CRK: variants seen among roughly 807,000 people sequenced by gnomAD.
CRK encodes the protein CRK proto-oncogene, adaptor protein, also known as adapter molecule crk.
Under a neutral mutation model 29.8 loss-of-function variants are expected in CRK, and 4 were observed. The ratio of observed to expected loss-of-function variants is 0.13; its 90% CI spans 0.07 to 0.31. CRK has a LOEUF of 0.31. Ranked by LOEUF, CRK falls within the 10% of genes least tolerant of loss-of-function variation. The pLI is 1.00. For synonymous variants in CRK, 153 were observed against 164.9 expected (o/e 0.93, Z 0.55); for missense variants, 274 against 396.5 (o/e 0.69, Z 2.62).
chr17:1,436,562 G>A (rs2073887927), intron 2 of CRK, 58 bp downstream of exon 2: 1 of 1,521,636 alleles, frequency 6.6e-7, no homozygotes, highest in Non-Finnish European at 8.8e-7. Context: ...AGCTCTAAGA[G>A]GACCGAGAGG....
intron 2 of CRK, among the ~76,000 whole-genome samples, chr17:1,432,321 T>A (rs149103152): frequency 0.018 from 2,695 of 151,368 alleles, 40 homozygotes; most frequent in Non-Finnish European, 0.029. Flanking sequence ...AAATCCCATC[T>A]CTACTAAAAA....
At chr17:1,449,520 C>G (rs1451437037) in intron 1 of CRK, among the ~76,000 whole-genome samples, 1 of 152,028 alleles carries the variant, frequency 6.6e-6, no homozygotes, top group African/African-American at 2.4e-5. Flanking sequence ...GATGAGGAAA[C>G]TGAAGCAGGG....
At chr17:1,433,508 G>GATTTTTTTTTTTTTTTTTTTTTT (rs1568012299) in intron 2 of CRK, among the ~76,000 whole-genome samples, 2 of 114,368 alleles carry the variant, frequency 1.7e-5, no homozygotes, top group African/African-American at 7.1e-5. Context: ...ACCACGCCTG[G>GATTTTTTTTTTTTTTTTTTTTTT]CTTTTTTTTT....
intron 1 of CRK, among the ~76,000 whole-genome samples, chr17:1,444,666 T>TA (rs559826976): frequency 0.012 from 1,607 of 137,728 alleles, 12 homozygotes; most frequent in African/African-American, 0.017. Context: ...CCGTCTTTAC[T>TA]AAAAAAAAAA....
intron 2 of CRK, among the ~76,000 whole-genome samples, chr17:1,425,087 GT>G (rs887040693): frequency 3.2e-4 from 48 of 151,392 alleles, no homozygotes; most frequent in African/African-American, 1.0e-3. Flanking sequence ...AAATATAAAG[GT>G]TTTTTTTGTT....
At chr17:1,434,279 T>C (rs982600248) in intron 2 of CRK, among the ~76,000 whole-genome samples, 2 of 152,122 alleles carry the variant, frequency 1.3e-5, no homozygotes, top group Admixed American at 6.6e-5. Flanking sequence ...ATGGGTAGTA[T>C]TGGTGGAAAG....
At chr17:1,428,680 C>T (rs1159632589) in intron 2 of CRK, among the ~76,000 whole-genome samples, 2 of 151,050 alleles carry the variant, frequency 1.3e-5, no homozygotes, top group Non-Finnish European at 2.9e-5. Context: ...TGTGCCACCA[C>T]GCCCTGCTAA....
chr17:1,448,065 C>A (rs994184913), intron 1 of CRK, among the ~76,000 whole-genome samples: 6 of 152,060 alleles, frequency 3.9e-5, no homozygotes, highest in Admixed American at 3.9e-4. Flanking sequence ...TCGCTTGAAC[C>A]CGGGAGGCGG....
chr17:1,423,638 C>T lies in CRK; in HGVS notation c.790G>A (p.Val264Ile), dbSNP rs1460550029. 1 of 1,613,986 alleles carries T rather than the reference C, an allele frequency of 6.2e-7. No individual in the cohort carries two copies. The highest frequency in any genetic ancestry group is 2.2e-5 in the East Asian group (1 of 44,882). The change falls in exon 3 of 3, where the codon GTA (valine) becomes ATA (isoleucine). Residue 264 changes from valine (V) to isoleucine (I), a missense_variant. Val to Ile is a conservative substitution (Grantham distance 29). Coordinates refer to ENST00000300574, the MANE Select transcript of CRK (RefSeq NM_016823.4). ...CTCACATTAATCTTCGTAACCTTTA[C>T]CAGCTCACCGACCTGCAGGAGGAGA... The part of the protein sequence containing the change: ...TALALEVGEL[V>I]KVTKINVSGQ...
chr17:1,429,175 G>A (rs1047238295), intron 2 of CRK, among the ~76,000 whole-genome samples: 2 of 152,048 alleles, frequency 1.3e-5, no homozygotes, highest in African/African-American at 2.4e-5. Flanking sequence ...CCCTGCAGAG[G>A]AAAACCATGC....
rs1451293325 is a variant in CRK at position 1,436,754 on chromosome 17, C to A, written c.643G>T (p.Gly215Trp). The part of the protein sequence containing the change: ...QEGSHPQPLG[G>W]PEPGPYAQPS... ...TGGGCATAGGGCCCAGGCTCCGGCC[C>A]ACCCAGTGGCTGTGGGTGGGAACCC... is the stretch of plus-strand genomic sequence containing the variant. The change falls in exon 2 of 3, where the codon GGG (glycine) becomes TGG (tryptophan). Residue 215 changes from glycine (G) to tryptophan (W), a missense_variant. Around this residue, in one of 3 missense-constraint regions of CRK, gnomAD observed 121 missense variants for 154.3 expected, o/e 0.78. Transcript: ENST00000300574. 5 of 1,589,678 alleles carry A rather than the reference C, an allele frequency of 3.1e-6. No homozygotes were observed. Among genetic ancestry groups the A allele is most frequent in the Non-Finnish European group, 4.3e-6 (5 of 1,170,656 alleles).
intron 2 of CRK, among the ~76,000 whole-genome samples, chr17:1,434,810 T>C (rs1440599007): frequency 2.1e-5 from 2 of 97,422 alleles, no homozygotes; most frequent in Middle Eastern, 4.7e-3. Flanking sequence ...AAAAAAAAAA[T>C]CCAAAAAAAC....
At chr17:1,448,074 G>C (rs1246997432) in intron 1 of CRK, among the ~76,000 whole-genome samples, 1 of 151,728 alleles carries the variant, frequency 6.6e-6, no homozygotes, top group Non-Finnish European at 1.5e-5. Flanking sequence ...CCCGGGAGGC[G>C]GAACTTGCAG....
chr17:1,450,290 C>T (rs940853752), intron 1 of CRK, among the ~76,000 whole-genome samples: 1 of 151,810 alleles, frequency 6.6e-6, no homozygotes, highest in South Asian at 2.1e-4. Context: ...GGGCGGATCA[C>T]GAGGTCAGGA....
Position 1,451,561 on chromosome 17 carries a change from T to G in CRK, c.241+4316A>C, listed in dbSNP as rs866307232. On this transcript the variant is annotated intron_variant, in intron 1 of 2. Coordinates refer to ENST00000300574, the MANE Select transcript of CRK (RefSeq NM_016823.4). ...CTTGCCATTCTTTAATTCTGGTCTT[T>G]AAAAAACCTGGGCTGGATGCGGCTG... Among the ~76,000 whole-genome samples, 102 of 152,070 alleles carry G rather than the reference T, an allele frequency of 6.7e-4. No homozygotes were observed. The Middle Eastern group carries it at 0.017, about 25-fold the overall frequency.
At chr17:1,430,379 C>T (rs1417214027) in intron 2 of CRK, among the ~76,000 whole-genome samples, 2 of 142,930 alleles carry the variant, frequency 1.4e-5, no homozygotes, top group South Asian at 2.2e-4. Context: ...TTTTTTGAGA[C>T]AGAGTCTCGC....
At chr17:1,440,048 C>T (rs1054808409) in intron 1 of CRK, among the ~76,000 whole-genome samples, 2 of 151,970 alleles carry the variant, frequency 1.3e-5, no homozygotes, top group Non-Finnish European at 2.9e-5. Context: ...GCCTGTAATC[C>T]CAGCACTTTG....
chr17:1,438,597 C>A (rs746066645), intron 1 of CRK, among the ~76,000 whole-genome samples: 1 of 151,458 alleles, frequency 6.6e-6, no homozygotes, highest in African/African-American at 2.4e-5. Context: ...ATGAAGCAAA[C>A]AGGTCATTAA....
chr17:1,428,820 C>G (rs527900495), intron 2 of CRK, among the ~76,000 whole-genome samples: 1 of 151,764 alleles, frequency 6.6e-6, no homozygotes, highest in Admixed American at 6.6e-5. Context: ...CCACGCCCGG[C>G]TCAGAACTAT....
Sources: allele counts gnomAD v4.1 joint callset (sites outside exome capture counted in the v4.1 genomes callset), GRCh38; gene constraint gnomAD v4.1.1; regional missense constraint gnomAD v4.1.1; transcripts MANE v1.5; gene names NCBI Gene and HGNC (gene_info 2026-07-23, HGNC 2026-07-21).